Variants in CSRNP3 observed in about 807,000 individuals in gnomAD.
CSRNP3 encodes the protein cysteine/serine-rich nuclear protein 3.
In CSRNP3, 12 loss-of-function variants were observed where a neutral mutation model predicts 48.0. That is an observed-to-expected ratio of 0.25 (90% CI 0.16 to 0.41). The LOEUF (loss-of-function observed/expected upper bound fraction) is 0.41. Among genes scored for constraint, CSRNP3 ranks in the 10% least tolerant of loss-of-function variants. The pLI is 1.00. For synonymous variants in CSRNP3, 263 were observed against 269.7 expected (o/e 0.98, Z 0.24); for missense variants, 580 against 724.4 (o/e 0.80, Z 2.29).
chr2:165,654,775 G>A (rs1045199457), intron 4 of CSRNP3, among the ~76,000 whole-genome samples: 8 of 152,080 alleles, frequency 5.3e-5, no homozygotes, highest in African/African-American at 9.7e-5. Context: ...GATTGCAGGC[G>A]TGAGCCACCC....
Position 165,501,845 on chromosome 2 carries a change from A to G in CSRNP3, c.-113+6917A>G, listed in dbSNP as rs1044094873. Among the ~76,000 whole-genome samples the G allele has an allele frequency of 5.9e-5, 9 of 152,234 alleles. No individual in the cohort carries two copies. The East Asian group carries it at 1.7e-3, about 29-fold the overall frequency. ...AGATTTATTGAAAAAAAGTTTTCAT[A>G]TCAGATGTTCATGAAGATTCCAATT... On this transcript the variant is annotated intron_variant, in intron 2 of 6. Coordinates refer to ENST00000651982, the MANE Select transcript of CSRNP3 (RefSeq NM_001172173.2).
chr2:165,588,361 G>C (rs918907473), intron 3 of CSRNP3, among the ~76,000 whole-genome samples: 6 of 152,198 alleles, frequency 3.9e-5, no homozygotes, highest in Non-Finnish European at 8.8e-5. Flanking sequence ...AGCTACTTAA[G>C]AGTTTTAAGC....
rs1337305948 is a variant in CSRNP3 at position 165,681,302 on chromosome 2, T to C, written c.*1549T>C. ...ATCACTTCACATGTTTTATAACTAT[T>C]TGAAATGCGGACATGACTTGCTATT... On this transcript the variant is annotated 3_prime_UTR_variant, in exon 7 of 7. Coordinates refer to ENST00000651982, the MANE Select transcript of CSRNP3 (RefSeq NM_001172173.2). The C allele has an allele frequency of 6.6e-6, 1 of 152,136 alleles. No individual in the cohort carries two copies. The highest frequency in any genetic ancestry group is 2.4e-5 in the African/African-American group (1 of 41,432). The allele number at this position is 152,136 out of a possible 1,614,324, so 9.4% of individuals were successfully genotyped here. A position where few individuals can be genotyped will look rare whatever the true frequency, so the allele number is the denominator to read the frequency against.
chr2:165,513,722 C>A (rs1388427498), intron 2 of CSRNP3, among the ~76,000 whole-genome samples: 1 of 152,118 alleles, frequency 6.6e-6, no homozygotes, highest in African/African-American at 2.4e-5. Context: ...ACTGAAGATA[C>A]CCTTTTAGAG....
chr2:165,609,146 A>T (rs1047117850), intron 4 of CSRNP3, among the ~76,000 whole-genome samples: 12 of 143,080 alleles, frequency 8.4e-5, no homozygotes, highest in Non-Finnish European at 1.7e-4. Flanking sequence ...AGATTACCTA[A>T]ATTCTCATAA....
At chr2:165,526,908 G>C (rs1053752796) in intron 3 of CSRNP3, among the ~76,000 whole-genome samples, 1 of 151,938 alleles carries the variant, frequency 6.6e-6, no homozygotes, top group Admixed American at 6.6e-5. Context: ...CTCTGACTTA[G>C]GAATTCCAAA....
intron 4 of CSRNP3, among the ~76,000 whole-genome samples, chr2:165,651,553 T>C (rs1167179026): frequency 6.6e-6 from 1 of 152,196 alleles, no homozygotes; most frequent in Non-Finnish European, 1.5e-5. Flanking sequence ...ACGAGTTCGT[T>C]CTTTATATAA....
chr2:165,609,512 C>T (rs185761657), intron 4 of CSRNP3, among the ~76,000 whole-genome samples: 426 of 142,948 alleles, frequency 3.0e-3, no homozygotes, highest in Non-Finnish European at 4.9e-3. Context: ...TAATATCCCC[C>T]ACCTTTGGTT....
At chr2:165,677,582 G>GT (rs1687447561) in intron 6 of CSRNP3, among the ~76,000 whole-genome samples, 1 of 95,540 alleles carries the variant, frequency 1.0e-5, no homozygotes, top group Non-Finnish European at 2.4e-5. Context: ...AGATTCATGA[G>GT]TAAAAAAAAA....
rs190405789 is a variant in CSRNP3 at position 165,587,676 on chromosome 2, C to T, written c.-23-7367C>T. The stretch of plus-strand genomic sequence containing the variant: ...CCTGAGTTTTGGTTTCAAGCTGTAT[C>T]GTAGATTGCATGAACTAGTCCAGTG... On this transcript the variant is annotated intron_variant, in intron 3 of 6. Coordinates refer to ENST00000651982, the MANE Select transcript of CSRNP3 (RefSeq NM_001172173.2). 1.1e-4 allele frequency among the ~76,000 whole-genome samples: 17 copies of T among 152,248 alleles called. No individual in the cohort carries two copies. In the East Asian group the frequency reaches 3.1e-3, roughly 28 times the overall value.
At chr2:165,584,026 A>G (rs963471286) in intron 3 of CSRNP3, among the ~76,000 whole-genome samples, 1 of 152,196 alleles carries the variant, frequency 6.6e-6, no homozygotes, top group African/African-American at 2.4e-5. Context: ...GCTTGTATAA[A>G]TAGGATGAAC....
At chr2:165,492,902 A>T (rs987021350) in intron 1 of CSRNP3, among the ~76,000 whole-genome samples, 2 of 150,928 alleles carry the variant, frequency 1.3e-5, no homozygotes, top group African/African-American at 4.9e-5. Flanking sequence ...ATAGAACAGC[A>T]TAAATGACCA....
At position 165,631,418 on chromosome 2, in the gene CSRNP3, G is replaced by A. The variant is rs75971611; in HGVS notation, c.149-26343G>A. 4.0e-3 allele frequency among the ~76,000 whole-genome samples: 602 copies of A among 152,266 alleles called. 9 individuals are homozygous for A. Among genetic ancestry groups the A allele is most frequent in the African/African-American group, 0.014 (578 of 41,564 alleles). On this transcript the variant is annotated intron_variant, in intron 4 of 6. Transcript: ENST00000651982. ...TGTTTACTTTGGTGGGAACAAGACC[G>A]ATATACAAGTTGCCTGTCTTCTGTG...
intron 3 of CSRNP3, among the ~76,000 whole-genome samples, chr2:165,525,199 C>T (rs797012575): frequency 8.5e-5 from 13 of 152,154 alleles, no homozygotes; most frequent in African/African-American, 3.1e-4. Context: ...TCTGCTTATT[C>T]GCCATCTGTT....
chr2:165,551,422 G>A (rs1035977107), intron 3 of CSRNP3, among the ~76,000 whole-genome samples: 5 of 152,162 alleles, frequency 3.3e-5, no homozygotes, highest in African/African-American at 1.2e-4. Flanking sequence ...GCTGCCCTCT[G>A]TCTGCCACTG....
chr2:165,608,187 T>C (rs1686063825), intron 4 of CSRNP3, among the ~76,000 whole-genome samples: 1 of 151,770 alleles, frequency 6.6e-6, no homozygotes, highest in South Asian at 2.1e-4. Context: ...GGGGGCTGGC[T>C]TAATTAAACA....
chr2:165,497,447 G>A (rs1574804983), intron 2 of CSRNP3, among the ~76,000 whole-genome samples: 1 of 151,872 alleles, frequency 6.6e-6, no homozygotes, highest in Non-Finnish European at 1.5e-5. Context: ...AAGAATAAAT[G>A]GCAATATGAC....
chr2:165,533,761 T>G (rs185616968), intron 3 of CSRNP3, among the ~76,000 whole-genome samples: 1 of 152,212 alleles, frequency 6.6e-6, no homozygotes, highest in East Asian at 1.9e-4. Flanking sequence ...ATATTGCTTA[T>G]GTTTAAGACA....
chr2:165,476,643 G>A (rs191134191), intron 1 of CSRNP3, among the ~76,000 whole-genome samples: 1 of 152,340 alleles, frequency 6.6e-6, no homozygotes, highest in East Asian at 1.9e-4. Context: ...TCTTTAGGTA[G>A]TGCAGGATAA....
Sources: gnomAD v4.1 joint callset for allele counts (sites outside exome capture counted in the v4.1 genomes callset) on GRCh38, gnomAD v4.1.1 for gene constraint, MANE v1.5 for transcripts, NCBI Gene and HGNC (gene_info 2026-07-23, HGNC 2026-07-21) for gene names.